Variants in NAV3 observed in about 807,000 individuals in gnomAD.
NAV3 encodes the protein neuron navigator 3.
NAV3 carries 87 observed loss-of-function variants against 244.7 expected under a neutral mutation model. The observed-to-expected ratio is 0.36, with a 90% CI of 0.30 to 0.42. The LOEUF (loss-of-function observed/expected upper bound fraction) is 0.42, where lower values mean the gene tolerates loss of function less well. NAV3 is among the 20% of genes least tolerant of loss of function. The pLI, the probability that NAV3 is intolerant of heterozygous loss-of-function variation, is 1.00. For missense variants in NAV3, 2,663 were observed against 2,893.3 expected (o/e 0.92, Z 1.83); for synonymous variants, 1,126 against 1,042.2 (o/e 1.08, Z -1.55).
Position 78,116,888 on chromosome 12 carries a change from C to G in NAV3, c.2753C>G (p.Ser918Cys), listed in dbSNP as rs763162312. The change falls in exon 13 of 40, where the codon TCT becomes TGT. Residue 918 changes from serine to cysteine, a missense_variant. Physicochemically the swap from Ser to Cys is moderately radical, Grantham distance 112. Transcript: ENST00000397909. Reference protein sequence around the residue: ...VSSYSNITVPSRKNTQLRTDS... With the variant: ...VSSYSNITVPCRKNTQLRTDS... ...TCTTACTCCAACATCACCGTCCCCT[C>G]TAGGAAGAATACTCAGGTGAGAATT... The G allele has an allele frequency of 8.1e-6, 13 of 1,612,098 alleles. No homozygotes were observed. Among genetic ancestry groups the G allele is most frequent in the Non-Finnish European group, 1.1e-5 (13 of 1,178,750 alleles).
intron 1 of NAV3, among the ~76,000 whole-genome samples, chr12:77,933,132 G>T (rs981390512): frequency 2.6e-5 from 4 of 152,030 alleles, no homozygotes; most frequent in Non-Finnish European, 5.9e-5. Context: ...TTTTTTTGAA[G>T]TTAAGTGGGA....
At chr12:77,733,686 G>A (rs1409189098) in intron 2 of NAV3, among the ~76,000 whole-genome samples, 2 of 151,912 alleles carry the variant, frequency 1.3e-5, no homozygotes, top group Non-Finnish European at 1.5e-5. Flanking sequence ...AGACTGAAGA[G>A]GGGCCAGATT....
At chr12:78,185,034 A>T (rs922574900) in intron 30 of NAV3, among the ~76,000 whole-genome samples, 6 of 151,852 alleles carry the variant, frequency 4.0e-5, no homozygotes, top group African/African-American at 1.4e-4. Flanking sequence ...AACTATTAGC[A>T]TAAAGGATTC....
intron 12 of NAV3, among the ~76,000 whole-genome samples, chr12:78,083,804 T>C (rs1226534910): frequency 1.3e-5 from 2 of 152,192 alleles, no homozygotes; most frequent in African/African-American, 4.8e-5. Flanking sequence ...CTGCAATTCA[T>C]TGATACTTAA....
At position 78,206,012 on chromosome 12, in the gene NAV3, C is replaced by T. The variant is rs114974724; in HGVS notation, c.7038+874C>T. On this transcript the variant is annotated intron_variant, in intron 39 of 39. Coordinates refer to ENST00000397909, the MANE Select transcript of NAV3 (RefSeq NM_001024383.2). ...AAGGAATACCCTTACACCAACAACCCTGACACACACATCATCATCATCATC... is the reference window on the plus strand; with the variant it reads ...AAGGAATACCCTTACACCAACAACCTTGACACACACATCATCATCATCATC... Among the ~76,000 whole-genome samples the T allele has an allele frequency of 9.3e-3, 1,411 of 152,174 alleles. 24 individuals are homozygous for T. The highest frequency in any genetic ancestry group is 0.031 in the African/African-American group (1,275 of 41,520).
intron 12 of NAV3, among the ~76,000 whole-genome samples, chr12:78,059,389 A>T (rs1883991549): frequency 6.6e-6 from 1 of 152,034 alleles, no homozygotes; most frequent in Non-Finnish European, 1.5e-5. Context: ...CCTGGGTTCA[A>T]GTGATTCTCC....
intron 20 of NAV3, among the ~76,000 whole-genome samples, chr12:78,141,956 T>A (rs1593761428): frequency 6.6e-6 from 1 of 151,936 alleles, no homozygotes; most frequent in African/African-American, 2.4e-5. Context: ...GCTACCTTCA[T>A]GAAACCTAAG....
intron 2 of NAV3, among the ~76,000 whole-genome samples, chr12:77,655,522 A>G (rs139006024): frequency 0.054 from 8,214 of 152,298 alleles, 519 homozygotes; most frequent in African/African-American, 0.16. Flanking sequence ...ACCAAGTTGG[A>G]AAACAATGTG....
At chr12:77,696,843 A>G (rs1875326861) in intron 2 of NAV3, among the ~76,000 whole-genome samples, 1 of 152,186 alleles carries the variant, frequency 6.6e-6, no homozygotes, top group South Asian at 2.1e-4. Flanking sequence ...TGCTTCCTCA[A>G]TAACTTCTAC....
chr12:77,606,300 A>G (rs1389597102), intron 2 of NAV3, among the ~76,000 whole-genome samples: 3 of 152,144 alleles, frequency 2.0e-5, no homozygotes, highest in Admixed American at 2.0e-4. Flanking sequence ...ATGCGAAGGA[A>G]CAAACCATGC....
At chr12:78,135,373 GGGTTTGTAAAT>G (rs1956329560) in intron 18 of NAV3, among the ~76,000 whole-genome samples, 1 of 152,102 alleles carries the variant, frequency 6.6e-6, no homozygotes, top group South Asian at 2.1e-4. Context: ...GCTATCAAAA[GGGTTTGTAAAT>G]GCAAACTATT....
chr12:77,990,172 A>G (rs1010517731), intron 5 of NAV3, among the ~76,000 whole-genome samples: 1 of 152,042 alleles, frequency 6.6e-6, no homozygotes, highest in Non-Finnish European at 1.5e-5. Flanking sequence ...AGAATTGCCT[A>G]GGGAGAAGGC....
intron 1 of NAV3, among the ~76,000 whole-genome samples, chr12:77,851,273 T>C (rs1877478983): frequency 1.3e-5 from 2 of 152,288 alleles, no homozygotes; most frequent in South Asian, 4.1e-4. Flanking sequence ...GGAATTCAAA[T>C]TGTATCTTAT....
chr12:77,993,696 C>CT (rs3842284), intron 5 of NAV3, among the ~76,000 whole-genome samples: 45,179 of 151,978 alleles, frequency 0.3, 6,923 homozygotes, highest in African/African-American at 0.38. Context: ...CTAAGTAATC[C>CT]TTTCCTTGAC....
chr12:78,030,696 G>C, intron 9 of NAV3, among the ~76,000 whole-genome samples: 1 of 152,046 alleles, frequency 6.6e-6, no homozygotes, highest in Middle Eastern at 3.4e-3. Flanking sequence ...GCTCTCCTTT[G>C]AAAAAGTAAG....
intron 16 of NAV3, among the ~76,000 whole-genome samples, 161 bp from the exon 17 acceptor site, chr12:78,127,006 G>T (rs1290346483): frequency 2.0e-5 from 3 of 152,162 alleles, no homozygotes; most frequent in Non-Finnish European, 4.4e-5. Context: ...GACGGCAATG[G>T]ACATCTTGTC....
intron 2 of NAV3, among the ~76,000 whole-genome samples, chr12:77,599,942 T>C (rs186581466): frequency 6.6e-6 from 1 of 152,060 alleles, no homozygotes; most frequent in Admixed American, 6.6e-5. Flanking sequence ...ACACTGTGAA[T>C]AGAAAGTCAA....
chr12:77,715,012 C>A (rs146154655), intron 2 of NAV3, among the ~76,000 whole-genome samples: 77 of 152,084 alleles, frequency 5.1e-4, no homozygotes, highest in African/African-American at 1.8e-3. Context: ...GTATTAGGTA[C>A]CCTGTAAGTG....
chr12:77,974,545 G>A (rs550263526), intron 5 of NAV3, among the ~76,000 whole-genome samples: 83 of 151,950 alleles, frequency 5.5e-4, no homozygotes, highest in Non-Finnish European at 9.9e-4. Context: ...TGATCTGCCC[G>A]CCTCAGCCTC....
Sources: allele counts gnomAD v4.1 joint callset (sites outside exome capture counted in the v4.1 genomes callset), GRCh38; gene constraint gnomAD v4.1.1; transcripts MANE v1.5; gene names NCBI Gene and HGNC (gene_info 2026-07-23, HGNC 2026-07-21).